EPC1: variants seen among roughly 807,000 people sequenced by gnomAD.
The protein encoded by EPC1 is enhancer of polycomb homolog 1.
In EPC1, 12 loss-of-function variants were observed where a neutral mutation model predicts 98.4. The observed-to-expected ratio is 0.12, with a 90% confidence interval of 0.08 to 0.20. The LOEUF (loss-of-function observed/expected upper bound fraction) is 0.20. Ranked by LOEUF, EPC1 falls within the 10% of genes least tolerant of loss-of-function variation. EPC1 has a pLI of 1.00. For missense variants in EPC1, 729 were observed against 990.5 expected (o/e 0.74, Z 3.54); for synonymous variants, 357 against 363.9 (o/e 0.98, Z 0.21).
intron 6 of EPC1, among the ~76,000 whole-genome samples, chr10:32,288,742 A>G (rs1836833518): frequency 6.6e-6 from 1 of 151,920 alleles, no homozygotes; most frequent in Non-Finnish European, 1.5e-5. Context: ...GGATAACACT[A>G]AAGTAGTCCA....
At chr10:32,275,402 G>A (rs1836028864) in intron 10 of EPC1, among the ~76,000 whole-genome samples, 2 of 152,238 alleles carry the variant, frequency 1.3e-5, no homozygotes, top group African/African-American at 4.8e-5. Flanking sequence ...GGGAGGCCGA[G>A]GTGGGTGGAT....
chr10:32,357,662 G>A (rs1839316650), intron 1 of EPC1, among the ~76,000 whole-genome samples: 1 of 151,768 alleles, frequency 6.6e-6, no homozygotes, highest in African/African-American at 2.4e-5. Context: ...GTCTTGCTAC[G>A]TTGGCTAGGC....
chr10:32,335,738 G>C (rs868293956), intron 1 of EPC1, among the ~76,000 whole-genome samples: 21 of 152,120 alleles, frequency 1.4e-4, no homozygotes, highest in Admixed American at 2.0e-4. Context: ...CATGGATAAT[G>C]ATGAAATAGC....
intron 10 of EPC1, among the ~76,000 whole-genome samples, chr10:32,277,649 T>G (rs1156889325): frequency 2.0e-5 from 3 of 152,084 alleles, no homozygotes; most frequent in African/African-American, 7.2e-5. Flanking sequence ...AGCCTTGACC[T>G]CCTTGGGCTC....
chr10:32,272,056 T>C lies in EPC1; in HGVS notation c.1975A>G (p.Ile659Val). The stretch of plus-strand genomic sequence containing the variant: ...GCTGGAAGGACGCCATTCACCCCGA[T>C]TCCAAGCACCACATCATCCTTCATC... ...FKMKDDVVLG[I>V]GVNGVLPASG... Residue 659 changes from isoleucine to valine, a missense_variant, in exon 12 of 14, where the codon ATC (isoleucine) becomes GTC (valine). Around this residue, in one of 6 missense-constraint regions of EPC1, gnomAD observed 156 missense variants for 188.9 expected, o/e 0.83. Coordinates refer to ENST00000319778, the MANE Select transcript of EPC1 (RefSeq NM_001272004.3). 6.2e-7 allele frequency: 1 copy of C among 1,613,746 alleles called. No individual in the cohort carries two copies. The highest frequency in any genetic ancestry group is 8.5e-7 in the Non-Finnish European group (1 of 1,179,916).
intron 1 of EPC1, among the ~76,000 whole-genome samples, chr10:32,352,930 C>A (rs1191036247): frequency 6.6e-6 from 1 of 152,048 alleles, no homozygotes; most frequent in Non-Finnish European, 1.5e-5. Flanking sequence ...CTGAAGCGGA[C>A]AGATTACCTG....
chr10:32,372,279 A>G (rs892147156), intron 1 of EPC1, among the ~76,000 whole-genome samples: 1 of 152,198 alleles, frequency 6.6e-6, no homozygotes, highest in Non-Finnish European at 1.5e-5. Context: ...GGCACACCAA[A>G]GTTTGCAATC....
chr10:32,347,215 ACGCGGGCGGGGGGAGGGAGCGCGGGCT>A, upstream of EPC1: 1 of 1,222,728 alleles, frequency 8.2e-7, no homozygotes. Context: ...CGGCGCGGGC[ACGCGGGCGGGGGGAGGGAGCGCGGGCT>A]CGAGGCCGGC....
intron 1 of EPC1, among the ~76,000 whole-genome samples, chr10:32,318,906 CT>C (rs1836716602): frequency 6.6e-6 from 1 of 152,140 alleles, no homozygotes; most frequent in Non-Finnish European, 1.5e-5. Context: ...CTTTATTTGC[CT>C]CCCTGGTGAA....
chr10:32,371,639 C>T (rs1207923803), intron 1 of EPC1, among the ~76,000 whole-genome samples: 3 of 152,174 alleles, frequency 2.0e-5, no homozygotes, highest in Non-Finnish European at 4.4e-5. Flanking sequence ...TGGCTCACCC[C>T]TGTAATCCCA....
At chr10:32,297,104 T>A (rs1448740754) in intron 2 of EPC1, among the ~76,000 whole-genome samples, 1 of 151,996 alleles carries the variant, frequency 6.6e-6, no homozygotes, top group Non-Finnish European at 1.5e-5. Context: ...CAACCCAAGC[T>A]AATAAAAATG....
At chr10:32,291,029 C>T (rs977150102) in intron 6 of EPC1, 134 bp downstream of exon 6, 15 of 733,400 alleles carry the variant, frequency 2.0e-5, no homozygotes, top group East Asian at 5.7e-5. Flanking sequence ...TACCCACCTC[C>T]GTGTCCCGAA....
chr10:32,304,856 T>C (rs940300300), intron 2 of EPC1, among the ~76,000 whole-genome samples: 13 of 146,626 alleles, frequency 8.9e-5, no homozygotes, highest in African/African-American at 2.8e-4. Flanking sequence ...GAGGTGGAGG[T>C]TGTGGTAAGC....
At chr10:32,343,713 C>T (rs1838540238) in intron 1 of EPC1, among the ~76,000 whole-genome samples, 1 of 143,924 alleles carries the variant, frequency 6.9e-6, no homozygotes, top group South Asian at 2.2e-4. Flanking sequence ...GGTGTAAGGG[C>T]TTCTACTTAA....
intron 1 of EPC1, among the ~76,000 whole-genome samples, chr10:32,331,292 C>T (rs547074712): frequency 6.7e-6 from 1 of 150,270 alleles, no homozygotes; most frequent in Non-Finnish European, 1.5e-5. Context: ...GCAGAGGTTG[C>T]AGTGAGCCAA....
chr10:32,352,274 C>T (rs928619779), intron 1 of EPC1, among the ~76,000 whole-genome samples: 4 of 150,976 alleles, frequency 2.6e-5, no homozygotes, highest in Non-Finnish European at 5.9e-5. Flanking sequence ...GTCTCGATCT[C>T]CTGACCTCGT....
intron 6 of EPC1, 127 bp from the exon 7 acceptor site, chr10:32,287,401 A>T (rs749189457): frequency 7.7e-6 from 7 of 914,402 alleles, no homozygotes; most frequent in Non-Finnish European, 9.9e-6. Context: ...GAGACACAAC[A>T]CTCTATGTTT....
At chr10:32,361,401 C>T (rs1007047190) in intron 1 of EPC1, among the ~76,000 whole-genome samples, 2 of 152,136 alleles carry the variant, frequency 1.3e-5, no homozygotes, top group African/African-American at 4.8e-5. Flanking sequence ...ATTTCTTTGG[C>T]ATATTTGAGC....
At position 32,364,001 on chromosome 10, in the gene EPC1, C is replaced by CCTTTTTTTTTTTTT. The variant is rs770520611; in HGVS notation, c.3+14489_3+14490insAAAAAAAAAAAAAG. ...AATAGTATCGTGTCCATCATGTTGG[C>CCTTTTTTTTTTTTT]ATTTTTTTTTTTTTTTTTTTTTTTT... is the stretch of plus-strand genomic sequence containing the variant. On this transcript the variant is annotated intron_variant, in intron 1 of 13. Coordinates refer to the EPC1 transcript ENST00000375110. Among the ~76,000 whole-genome samples, 54 of 61,858 alleles carry CCTTTTTTTTTTTTT rather than the reference C, an allele frequency of 8.7e-4. 24 individuals are homozygous for CCTTTTTTTTTTTTT. The highest frequency in any genetic ancestry group is 7.4e-4 in the Non-Finnish European group (24 of 32,530). The allele number at this position is 61,858 out of a possible 152,430, so 40.6% of individuals were successfully genotyped here. A position where few individuals can be genotyped will look rare whatever the true frequency, so the allele number is the denominator to read the frequency against.
Sources: gnomAD v4.1 joint callset for allele counts (sites outside exome capture counted in the v4.1 genomes callset) on GRCh38, gnomAD v4.1.1 for gene constraint, gnomAD v4.1.1 regional missense constraint, MANE v1.5 for transcripts, NCBI Gene and HGNC (gene_info 2026-07-23, HGNC 2026-07-21) for gene names.